The following PDZD2 variants were observed in gnomAD, a reference collection of about 807,000 sequenced individuals.
PDZD2 encodes the protein PDZ domain-containing protein 2.
In PDZD2, 90 loss-of-function variants were observed where a neutral mutation model predicts 220.7. The observed-to-expected ratio is 0.41, with a 90% CI of 0.34 to 0.49. The LOEUF (loss-of-function observed/expected upper bound fraction) is 0.49. Ranked by LOEUF, PDZD2 falls within the 20% of genes least tolerant of loss-of-function variation. The pLI is 0.28. For synonymous variants in PDZD2, 1,375 were observed against 1,450.5 expected (o/e 0.95, Z 1.18); for missense variants, 3,174 against 3,608.5 (o/e 0.88, Z 3.08).
chr5:31,676,464 G>T (rs1171544997), intron 1 of PDZD2, among the ~76,000 whole-genome samples: 1 of 151,844 alleles, frequency 6.6e-6, no homozygotes, highest in Non-Finnish European at 1.5e-5. Flanking sequence ...AGAGATTGGG[G>T]TATGATGGAG....
chr5:32,090,080 ATC>A lies in PDZD2; in HGVS notation c.6636_6637del (p.Tyr2213LeufsTer60), dbSNP rs761204247. The A allele has an allele frequency of 6.2e-7, 1 of 1,613,804 alleles. No individual in the cohort carries two copies. The highest frequency in any genetic ancestry group is 8.5e-7 in the Non-Finnish European group (1 of 1,179,988). ...CCAGGGGGCCCCTCGGGGGAGGACC[ATC>A]TCTACTTCACCCCAAGGCCAGCGAC... On this transcript the variant is annotated frameshift_variant, in exon 20 of 25. Coordinates refer to ENST00000438447, the MANE Select transcript of PDZD2 (RefSeq NM_178140.4). LOFTEE classifies it high-confidence loss of function. This position sits in a 1 kb window ranked among gnomAD's most constrained non-coding sequence, Gnocchi z 4.3.
At chr5:31,810,113 C>A (rs1294108245) in intron 2 of PDZD2, among the ~76,000 whole-genome samples, 1 of 152,174 alleles carries the variant, frequency 6.6e-6, no homozygotes, top group East Asian at 1.9e-4. Flanking sequence ...TCATACCCGT[C>A]TATCTATAGG....
intron 2 of PDZD2, among the ~76,000 whole-genome samples, chr5:31,970,803 C>G (rs1403832694): frequency 6.6e-6 from 1 of 152,132 alleles, no homozygotes; most frequent in East Asian, 1.9e-4. Flanking sequence ...TGCTTATGAT[C>G]CAGTAAGACC....
intron 1 of PDZD2, among the ~76,000 whole-genome samples, chr5:31,677,105 A>G (rs574190083): frequency 5.5e-4 from 83 of 152,186 alleles, no homozygotes; most frequent in African/African-American, 1.9e-3. Context: ...AAACAACCAA[A>G]ATGAAAAGTG....
intron 1 of PDZD2, among the ~76,000 whole-genome samples, chr5:31,738,944 G>A (rs1293762471): frequency 6.6e-6 from 1 of 151,430 alleles, no homozygotes; most frequent in Non-Finnish European, 1.5e-5. Flanking sequence ...GGAGTGCAGT[G>A]GCACCATCTC....
chr5:31,652,605 T>C (rs1317590320), intron 1 of PDZD2, among the ~76,000 whole-genome samples: 5 of 152,370 alleles, frequency 3.3e-5, no homozygotes, highest in African/African-American at 1.2e-4. Flanking sequence ...TACTTCATAT[T>C]CTCAGTACAG....
chr5:31,983,726 G>A, intron 3 of PDZD2, 70 bp downstream of exon 3: 1 of 1,448,420 alleles, frequency 6.9e-7, no homozygotes, highest in Non-Finnish European at 9.4e-7. Context: ...TTGCAGCCCA[G>A]CCCATGCGGG....
chr5:31,692,478 G>A (rs1036925180), intron 1 of PDZD2, among the ~76,000 whole-genome samples: 4 of 152,250 alleles, frequency 2.6e-5, no homozygotes, highest in Non-Finnish European at 5.9e-5. Context: ...CAGAGGAGGT[G>A]CCGAGAGCGA....
chr5:31,794,542 G>A (rs111391418), intron 1 of PDZD2, among the ~76,000 whole-genome samples: 7 of 151,038 alleles, frequency 4.6e-5, no homozygotes, highest in Admixed American at 1.3e-4. Flanking sequence ...CTGGGACTAC[G>A]GGCGCCCACC....
At position 31,652,061 on chromosome 5, in the gene PDZD2, G is replaced by A. The variant is rs113551957; in HGVS notation, c.-361+12624G>A. Among the ~76,000 whole-genome samples the A allele has an allele frequency of 9.7e-3, 1,409 of 145,478 alleles. 10 individuals are homozygous for A. The highest frequency in any genetic ancestry group is 0.049 in the Middle Eastern group (14 of 284). On this transcript the variant is annotated intron_variant, in intron 1 of 24. Coordinates refer to ENST00000438447, the MANE Select transcript of PDZD2 (RefSeq NM_178140.4). ...TTGGCCAGGCTGGTCTCGAACTCCC[G>A]ACCTTGTGATCCGCTCGCCTTGGCC...
intron 1 of PDZD2, among the ~76,000 whole-genome samples, chr5:31,692,239 G>A (rs544324588): frequency 1.6e-3 from 245 of 152,326 alleles, no homozygotes; most frequent in Middle Eastern, 0.014. Context: ...GCCCGGGGCC[G>A]GTGGGGCCGG....
At chr5:31,872,391 C>T (rs922085722) in intron 2 of PDZD2, among the ~76,000 whole-genome samples, 5 of 152,180 alleles carry the variant, frequency 3.3e-5, no homozygotes, top group African/African-American at 1.2e-4. Context: ...GGAGTGTGGA[C>T]ATGCATTCCC....
chr5:31,767,092 C>T lies in PDZD2; in HGVS notation c.-360-31797C>T, dbSNP rs1207240762. On this transcript the variant is annotated intron_variant, in intron 1 of 24. Transcript: ENST00000438447. ...CTCAGTGGAGACTGGAGTGCAGTGG[C>T]GAGATCTTGGCTCACTGCAACCTCT... 6.6e-5 allele frequency among the ~76,000 whole-genome samples: 9 copies of T among 135,838 alleles called. No individual in the cohort carries two copies. The Admixed American group carries it at 7.5e-4, about 11-fold the overall frequency. 89.1% of individuals were successfully genotyped at this position (135,838 alleles called of 152,430 possible).
At chr5:32,018,566 A>G (rs1258729115) in intron 6 of PDZD2, among the ~76,000 whole-genome samples, 3 of 152,222 alleles carry the variant, frequency 2.0e-5, no homozygotes, top group Admixed American at 6.5e-5. Context: ...AGTTCCTGTT[A>G]TATAGACCAG....
chr5:32,001,678 G>A (rs951823552), intron 5 of PDZD2, among the ~76,000 whole-genome samples: 1 of 152,208 alleles, frequency 6.6e-6, no homozygotes, highest in Non-Finnish European at 1.5e-5. Flanking sequence ...CCTTCTTAAA[G>A]CACTGGCTAG....
chr5:31,779,373 C>CTTTTTTTTTTTTTTTTTTTTTTTTTTTT (rs58290929), intron 1 of PDZD2, among the ~76,000 whole-genome samples: 1 of 106,668 alleles, frequency 9.4e-6, no homozygotes, highest in Non-Finnish European at 1.9e-5. Context: ...TTGTGAATCT[C>CTTTTTTTTTTTTTTTTTTTTTTTTTTTT]TTTTTTTTTT....
At chr5:31,775,838 T>C (rs1002211502) in intron 1 of PDZD2, among the ~76,000 whole-genome samples, 1 of 152,082 alleles carries the variant, frequency 6.6e-6, no homozygotes, top group Admixed American at 6.6e-5. Flanking sequence ...TTTTAATTGC[T>C]TTAAAAGAGG....
intron 1 of PDZD2, among the ~76,000 whole-genome samples, chr5:31,672,891 G>C (rs982842763): frequency 6.6e-6 from 1 of 152,204 alleles, no homozygotes; most frequent in African/African-American, 2.4e-5. Flanking sequence ...TGAACCCCAG[G>C]AATTATTCTG....
chr5:31,854,252 A>C lies in PDZD2; in HGVS notation c.476+54528A>C, dbSNP rs137978749. ...TCGGCCTCGTGGGTCGGGCTTCCTC[A>C]TCAGTTTGCAGCTGGAGCGATGGCT... On this transcript the variant is annotated intron_variant, in intron 2 of 24. Coordinates refer to ENST00000438447, the MANE Select transcript of PDZD2 (RefSeq NM_178140.4). Among the ~76,000 whole-genome samples, 725 of 152,288 alleles carry C rather than the reference A, an allele frequency of 4.8e-3. 11 individuals carry two copies. Among genetic ancestry groups the C allele is most frequent in the East Asian group, 0.031 (160 of 5,178 alleles).
Sources: gnomAD v4.1 joint callset for allele counts (sites outside exome capture counted in the v4.1 genomes callset) on GRCh38, gnomAD v4.1.1 for gene constraint, Gnocchi (gnomAD v3.1) non-coding constraint, MANE v1.5 for transcripts, NCBI Gene and HGNC (gene_info 2026-07-23, HGNC 2026-07-21) for gene names.